Variants in SEMA5A observed in about 807,000 individuals in gnomAD.
The protein encoded by SEMA5A is semaphorin 5A, also known as semaphorin-5A.
Under a neutral mutation model 135.5 loss-of-function variants are expected in SEMA5A, and 55 were observed. That is an observed-to-expected ratio of 0.41 (90% CI 0.33 to 0.51). SEMA5A has a LOEUF of 0.51. SEMA5A is among the 20% of genes least tolerant of loss of function. SEMA5A has a pLI of 0.37. For synonymous variants in SEMA5A, 580 were observed against 546.5 expected, an observed-to-expected ratio of 1.06 and a Z score of -0.85; for missense variants, 1,290 against 1,419.9, an observed-to-expected ratio of 0.91 and a Z score of 1.47.
chr5:9,482,506 C>G (rs2126781739), intron 1 of SEMA5A, among the ~76,000 whole-genome samples: 1 of 152,236 alleles, frequency 6.6e-6, no homozygotes, highest in Middle Eastern at 3.4e-3. Context: ...CTCAGGCATA[C>G]AATAACAGGT....
intron 2 of SEMA5A, among the ~76,000 whole-genome samples, chr5:9,410,981 C>CTTT (rs57301427): frequency 1.4e-5 from 2 of 145,736 alleles, no homozygotes; most frequent in African/African-American, 2.5e-5. Context: ...TCCATCTGGA[C>CTTT]TTTTTTTTTT....
In SEMA5A at chr5:9,209,245, GTCTAC is replaced by G. The variant is rs1257468885; in HGVS notation, c.647-7010_647-7006del. On this transcript the variant is annotated intron_variant, in intron 8 of 22. Transcript: ENST00000382496. ...CTAGTTCAAAGTGACAGACTTTAGT[GTCTAC>G]TCTGCTCTTATTCCATTCCAAGCAC... Among the ~76,000 whole-genome samples, 4 of 152,284 alleles carry G rather than the reference GTCTAC, an allele frequency of 2.6e-5. No individual in the cohort carries two copies. The East Asian group carries it at 7.7e-4, about 29-fold the overall frequency.
At chr5:9,368,436 C>T (rs1358592709) in intron 3 of SEMA5A, among the ~76,000 whole-genome samples, 1 of 152,180 alleles carries the variant, frequency 6.6e-6, no homozygotes, top group Non-Finnish European at 1.5e-5. Context: ...ATAATATTTA[C>T]TCATTTAAAT....
intron 1 of SEMA5A, among the ~76,000 whole-genome samples, chr5:9,461,522 A>G (rs1429157788): frequency 6.6e-6 from 1 of 152,184 alleles, no homozygotes; most frequent in East Asian, 1.9e-4. Context: ...CTGACAATAG[A>G]ATGGCATAGA....
At position 9,050,534 on chromosome 5, in the gene SEMA5A, T is replaced by G. The variant is rs1487283688; in HGVS notation, c.2846-77A>C. On this transcript the variant is annotated intron_variant, in intron 20 of 22. Coordinates refer to ENST00000382496, the MANE Select transcript of SEMA5A (RefSeq NM_003966.3). ...TCCACATTCATGCTTCATGTATGTT[T>G]GTCTAATGATTCTGAATGTTATGTG... The G allele has an allele frequency of 5.2e-6, 6 of 1,164,788 alleles. No individual in the cohort carries two copies. The Admixed American group carries it at 1.4e-4, about 28-fold the overall frequency. 72.2% of individuals were successfully genotyped at this position (1,164,788 alleles called of 1,614,324 possible).
intron 5 of SEMA5A, among the ~76,000 whole-genome samples, chr5:9,246,539 A>G (rs773366812): frequency 3.9e-5 from 6 of 152,228 alleles, no homozygotes; most frequent in Non-Finnish European, 7.4e-5. Context: ...GCAATTAGAT[A>G]TATCACAAGC....
chr5:9,434,886 G>A (rs1254716880), intron 2 of SEMA5A, among the ~76,000 whole-genome samples: 3 of 152,120 alleles, frequency 2.0e-5, no homozygotes, highest in East Asian at 3.9e-4. Flanking sequence ...AAGAATGAAC[G>A]AATGAATGAG....
At chr5:9,524,755 T>G (rs1433694134) in intron 1 of SEMA5A, among the ~76,000 whole-genome samples, 1 of 152,224 alleles carries the variant, frequency 6.6e-6, no homozygotes, top group Admixed American at 6.5e-5. Flanking sequence ...CAACCATTAT[T>G]AATGCAAAAT....
chr5:9,364,296 T>C lies in SEMA5A; in HGVS notation c.124+15527A>G, dbSNP rs187280623. Reference sequence around the variant, plus strand: ...ACACCTTTGAGAGTGAAGAACTATATCTTATAAATGGTGTGAATAATGCCT... The same window carrying C: ...ACACCTTTGAGAGTGAAGAACTATACCTTATAAATGGTGTGAATAATGCCT... On this transcript the variant is annotated intron_variant, in intron 3 of 22. Transcript: ENST00000382496. Among the ~76,000 whole-genome samples the C allele has an allele frequency of 1.4e-4, 22 of 152,330 alleles. 1 individual carries two copies. The East Asian group carries it at 2.5e-3, about 17-fold the overall frequency.
chr5:9,148,416 G>A (rs556417316), intron 12 of SEMA5A, among the ~76,000 whole-genome samples: 1 of 152,018 alleles, frequency 6.6e-6, no homozygotes, highest in African/African-American at 2.4e-5. Flanking sequence ...GAGGCCACAG[G>A]GCAAGGCTTA....
At chr5:9,311,092 G>GGGTTTC (rs1277456759) in intron 5 of SEMA5A, among the ~76,000 whole-genome samples, 1 of 151,916 alleles carries the variant, frequency 6.6e-6, no homozygotes, top group Non-Finnish European at 1.5e-5. Context: ...AAGGAACATA[G>GGGTTTC]GGTTTCTCAA....
At chr5:9,544,976 G>T (rs1171926473) in intron 1 of SEMA5A, among the ~76,000 whole-genome samples, 4 of 152,218 alleles carry the variant, frequency 2.6e-5, no homozygotes, top group Non-Finnish European at 5.9e-5. Context: ...CTGGTGAAAG[G>T]GGCTCGCCTA....
intron 3 of SEMA5A, among the ~76,000 whole-genome samples, chr5:9,353,830 T>C (rs781618471): frequency 2.6e-5 from 4 of 152,146 alleles, no homozygotes; most frequent in Non-Finnish European, 5.9e-5. Context: ...GCAAACCTTC[T>C]GGAATTCCTA....
chr5:9,169,657 T>C (rs962665366), intron 11 of SEMA5A, among the ~76,000 whole-genome samples: 1 of 152,120 alleles, frequency 6.6e-6, no homozygotes, highest in African/African-American at 2.4e-5. Flanking sequence ...GCTCTCCCAC[T>C]CTCCTCTCCC....
rs747434321 is a variant in SEMA5A at position 9,379,957 on chromosome 5, G to A, written c.-11C>T. 8.0e-5 allele frequency: 128 copies of A among 1,606,780 alleles called. 1 individual carries two copies. Among genetic ancestry groups the A allele is most frequent in the Admixed American group, 1.7e-4 (10 of 58,896 alleles). ...ACAGGTTCCCTTCATGGTGGGCAAG[G>A]GGCCTCTGACTCTGGGCACGTGTCT... On this transcript the variant is annotated 5_prime_UTR_variant, in exon 3 of 23. Transcript: ENST00000382496.
intron 21 of SEMA5A, among the ~76,000 whole-genome samples, chr5:9,049,575 C>T (rs942099077): frequency 1.3e-5 from 2 of 152,206 alleles, no homozygotes; most frequent in South Asian, 4.1e-4. Context: ...GAGGCAATGC[C>T]TGTTGGGCTG....
intron 5 of SEMA5A, among the ~76,000 whole-genome samples, chr5:9,315,372 C>A (rs1752345151): frequency 6.6e-6 from 1 of 152,076 alleles, no homozygotes; most frequent in Non-Finnish European, 1.5e-5. Flanking sequence ...ATGACATTCT[C>A]CTATATTACA....
intron 2 of SEMA5A, among the ~76,000 whole-genome samples, chr5:9,412,958 T>C (rs1391706405): frequency 1.3e-5 from 2 of 152,190 alleles, no homozygotes; most frequent in African/African-American, 2.4e-5. Flanking sequence ...TCCTGTACCA[T>C]CCATTAACAA....
At chr5:9,045,875 G>A (rs1423135163) in intron 21 of SEMA5A, 4 of 152,180 alleles carry the variant, frequency 2.6e-5, no homozygotes, top group Non-Finnish European at 4.4e-5. Flanking sequence ...TGGCTCAAGT[G>A]ATTTCAAGGC....
Sources: gnomAD v4.1 joint callset for allele counts (sites outside exome capture counted in the v4.1 genomes callset) on GRCh38, gnomAD v4.1.1 for gene constraint, MANE v1.5 for transcripts, NCBI Gene and HGNC (gene_info 2026-07-23, HGNC 2026-07-21) for gene names.